Variants in BICC1 observed in about 807,000 individuals in gnomAD.
BICC1 encodes the protein protein bicaudal C homolog 1.
Under a neutral mutation model 111.0 loss-of-function variants are expected in BICC1, and 43 were observed. The ratio of observed to expected loss-of-function variants is 0.39; its 90% CI spans 0.30 to 0.50. The LOEUF is 0.50. BICC1 is among the 20% of genes least tolerant of loss of function. BICC1 has a pLI of 0.88. For missense variants in BICC1, 1,091 were observed against 1,203.2 expected, an observed-to-expected ratio of 0.91 and a Z score of 1.38; for synonymous variants, 467 against 434.4, an observed-to-expected ratio of 1.07 and a Z score of -0.93.
chr10:58,716,074 A>G, intron 3 of BICC1: 1 of 1,479,812 alleles, frequency 6.8e-7, no homozygotes, highest in Non-Finnish European at 9.2e-7. Context: ...AAAGGATATT[A>G]AAGGACTCAG....
intron 2 of BICC1, among the ~76,000 whole-genome samples, chr10:58,645,135 C>T (rs1302701068): frequency 1.3e-5 from 2 of 151,984 alleles, no homozygotes; most frequent in Admixed American, 6.5e-5. Context: ...GGTGGCCAGG[C>T]GCGGTGGCTC....
At chr10:58,514,245 AAG>A (rs1262846995) in intron 1 of BICC1, among the ~76,000 whole-genome samples, 1 of 152,196 alleles carries the variant, frequency 6.6e-6, no homozygotes, top group Admixed American at 6.5e-5. Flanking sequence ...CCCACATCCA[AAG>A]AGAGAAATGA....
Position 58,704,927 on chromosome 10 carries a change from G to C in BICC1, c.307+2784G>C, listed in dbSNP as rs1217388301. Among the ~76,000 whole-genome samples, 4 of 152,262 alleles carry C rather than the reference G, an allele frequency of 2.6e-5. No individual in the cohort carries two copies. In the East Asian group the frequency reaches 7.7e-4, roughly 29 times the overall value. The stretch of plus-strand genomic sequence containing the variant: ...GTTTGCCCCCTTCTTTACCTTACTG[G>C]AATTTAGTCCTGTGTTTCCTAAATT... On this transcript the variant is annotated intron_variant, in intron 3 of 20. Transcript: ENST00000373886.
chr10:58,570,261 T>C (rs2131978594), intron 1 of BICC1, among the ~76,000 whole-genome samples: 1 of 152,348 alleles, frequency 6.6e-6, no homozygotes, highest in Non-Finnish European at 1.5e-5. Flanking sequence ...ATAGATGTAG[T>C]ATCCAGTTCT....
At chr10:58,604,923 T>A (rs1845160410) in intron 1 of BICC1, among the ~76,000 whole-genome samples, 1 of 152,156 alleles carries the variant, frequency 6.6e-6, no homozygotes. Flanking sequence ...GTGCCTTCTA[T>A]TTGTTTCCTC....
intron 3 of BICC1, among the ~76,000 whole-genome samples, chr10:58,772,923 G>T (rs187374710): frequency 6.6e-6 from 1 of 152,230 alleles, no homozygotes. Context: ...AAATATTAAA[G>T]AAATTCAAAA....
intron 2 of BICC1, chr10:58,648,593 C>CTCTCTT: frequency 1.0e-6 from 1 of 984,160 alleles, no homozygotes; most frequent in Non-Finnish European, 1.2e-6. Context: ...GCCTCTCTCT[C>CTCTCTT]TCTCTTTCTC....
chr10:58,664,638 C>G (rs1475516625), intron 2 of BICC1, among the ~76,000 whole-genome samples: 1 of 151,038 alleles, frequency 6.6e-6, no homozygotes, highest in Non-Finnish European at 1.5e-5. Flanking sequence ...CAAGTCTGGG[C>G]CATCTTGAGG....
chr10:58,787,091 C>CT lies in BICC1; in HGVS notation c.546+14dup. 6.4e-7 allele frequency: 1 copy of CT among 1,560,068 alleles called. No homozygotes were observed. The highest frequency in any genetic ancestry group is 2.1e-5 in the Admixed American group (1 of 47,858). On this transcript the variant is annotated intron_variant, in intron 5 of 20. Coordinates refer to ENST00000373886, the MANE Select transcript of BICC1 (RefSeq NM_001080512.3). ...AGAAAAAAGCAACCAGGTGGTTTGTCTTTTCACATGAACTTTTATGGGATG... is the reference window on the plus strand; with the variant it reads ...AGAAAAAAGCAACCAGGTGGTTTGTCTTTTTCACATGAACTTTTATGGGATG...
At chr10:58,796,621 AT>A (rs199857522) in intron 10 of BICC1, 95 bp downstream of exon 10, 898 of 1,201,640 alleles carry the variant, frequency 7.5e-4, no homozygotes, top group Non-Finnish European at 8.9e-4. Context: ...TTTAAAGGCT[AT>A]TTTTTTTTCC....
chr10:58,689,114 G>C (rs184516260), intron 2 of BICC1, among the ~76,000 whole-genome samples: 3 of 152,236 alleles, frequency 2.0e-5, no homozygotes, highest in South Asian at 2.1e-4. Flanking sequence ...ACCTTTCTGC[G>C]ATATCATCTA....
chr10:58,677,926 C>T (rs1438154195), intron 2 of BICC1, among the ~76,000 whole-genome samples: 2 of 152,146 alleles, frequency 1.3e-5, no homozygotes, highest in East Asian at 1.9e-4. Flanking sequence ...CCCAGAATTT[C>T]GTATCCAGCC....
At chr10:58,580,972 C>A (rs1197091216) in intron 1 of BICC1, among the ~76,000 whole-genome samples, 2 of 152,024 alleles carry the variant, frequency 1.3e-5, no homozygotes, top group Non-Finnish European at 2.9e-5. Context: ...AGGTTTTAAT[C>A]AGGGAAGAGG....
chr10:58,746,567 A>G (rs572603586), intron 3 of BICC1, among the ~76,000 whole-genome samples: 2 of 152,290 alleles, frequency 1.3e-5, no homozygotes, highest in Non-Finnish European at 1.5e-5. Context: ...GAGCAAACTA[A>G]GGTGAGAAAC....
intron 3 of BICC1, among the ~76,000 whole-genome samples, chr10:58,754,026 G>GTAT (rs1842068661): frequency 6.6e-6 from 1 of 152,064 alleles, no homozygotes; most frequent in Non-Finnish European, 1.5e-5. Context: ...AAATTTTGAG[G>GTAT]TATTAGGTGT....
intron 2 of BICC1, among the ~76,000 whole-genome samples, chr10:58,694,843 G>T (rs1017664780): frequency 1.3e-5 from 2 of 152,104 alleles, no homozygotes; most frequent in African/African-American, 4.8e-5. Flanking sequence ...AGTTACTTCA[G>T]CATTTATGGC....
intron 1 of BICC1, among the ~76,000 whole-genome samples, chr10:58,601,550 C>T (rs1444669990): frequency 6.6e-6 from 1 of 151,774 alleles, no homozygotes; most frequent in East Asian, 1.9e-4. Context: ...AGTTTTTCTT[C>T]TTTCTCTTCT....
intron 1 of BICC1, among the ~76,000 whole-genome samples, chr10:58,563,807 T>G (rs1467498425): frequency 6.6e-6 from 1 of 152,240 alleles, no homozygotes; most frequent in African/African-American, 2.4e-5. Flanking sequence ...GTGATAAAAA[T>G]GTTTAGCAAT....
chr10:58,628,615 C>T (rs1252185340), intron 2 of BICC1, among the ~76,000 whole-genome samples: 2 of 152,106 alleles, frequency 1.3e-5, no homozygotes, highest in African/African-American at 2.4e-5. Flanking sequence ...GTAGCAAGAT[C>T]AGTGTCCCAT....
Sources: allele counts gnomAD v4.1 joint callset (sites outside exome capture counted in the v4.1 genomes callset), GRCh38; gene constraint gnomAD v4.1.1; transcripts MANE v1.5; gene names NCBI Gene and HGNC (gene_info 2026-07-23, HGNC 2026-07-21).